Variants in PTPRG observed in about 807,000 individuals in gnomAD.
PTPRG encodes the protein receptor-type tyrosine-protein phosphatase gamma.
In PTPRG, 102 loss-of-function variants were observed where a neutral mutation model predicts 165.3. That is an observed-to-expected ratio of 0.62 (90% CI 0.53 to 0.73). The LOEUF (loss-of-function observed/expected upper bound fraction) is 0.73. Among genes scored for constraint, PTPRG ranks in the 30% least tolerant of loss-of-function variants. PTPRG has a pLI of 0.00. For synonymous variants in PTPRG, 675 were observed against 669.5 expected (o/e 1.01, Z -0.13); for missense variants, 1,866 against 1,861.4 (o/e 1.00, Z -0.05).
intron 3 of PTPRG, among the ~76,000 whole-genome samples, chr3:61,992,613 G>A (rs1052874554): frequency 1.3e-5 from 2 of 152,002 alleles, no homozygotes; most frequent in South Asian, 2.1e-4. Flanking sequence ...TCCGCCTCCC[G>A]GGTTGAAGCA....
In PTPRG at chr3:61,870,726, T is replaced by A. The variant is rs557026597; in HGVS notation, c.191-118899T>A. 2.0e-5 allele frequency among the ~76,000 whole-genome samples: 3 copies of A among 151,938 alleles called. No homozygotes were observed. In the South Asian group the frequency reaches 6.2e-4, roughly 32 times the overall value. On this transcript the variant is annotated intron_variant, in intron 2 of 29. Transcript: ENST00000474889. ...TTACCTCCCAGTTTTGAGCATCAAT[T>A]GGTAACAAAATCTGTGTAAGTGTTG...
At chr3:62,121,132 T>C (rs1369852035) in intron 5 of PTPRG, among the ~76,000 whole-genome samples, 1 of 151,644 alleles carries the variant, frequency 6.6e-6, no homozygotes, top group East Asian at 2.0e-4. Context: ...TTTTTGTATT[T>C]TTAGTAAAGA....
intron 1 of PTPRG, among the ~76,000 whole-genome samples, chr3:61,738,067 C>T (rs1264109855): frequency 1.3e-5 from 2 of 150,146 alleles, no homozygotes; most frequent in Non-Finnish European, 3.0e-5. Context: ...CGCTACCGCA[C>T]CCGGCTAATT....
intron 2 of PTPRG, among the ~76,000 whole-genome samples, chr3:61,980,583 C>T (rs1416103391): frequency 1.3e-5 from 2 of 152,124 alleles, no homozygotes; most frequent in African/African-American, 2.4e-5. Flanking sequence ...TTGACATTTT[C>T]GTCTTAGTGA....
At chr3:62,095,642 A>G (rs894800554) in intron 5 of PTPRG, among the ~76,000 whole-genome samples, 6 of 152,170 alleles carry the variant, frequency 3.9e-5, no homozygotes, top group Admixed American at 3.9e-4. Flanking sequence ...GGGGGAATAG[A>G]AGTTTATCAT....
chr3:61,698,992 G>A (rs372457999), intron 1 of PTPRG, among the ~76,000 whole-genome samples: 32 of 152,102 alleles, frequency 2.1e-4, no homozygotes, highest in African/African-American at 7.7e-4. Context: ...GACACAGGAA[G>A]GGGAACATCA....
At chr3:62,059,804 TAGTG>T (rs780543262) in intron 4 of PTPRG, among the ~76,000 whole-genome samples, 1 of 152,172 alleles carries the variant, frequency 6.6e-6, no homozygotes, top group African/African-American at 2.4e-5. Context: ...GTTCTCATGA[TAGTG>T]AGTGAGTTCT....
At chr3:61,614,435 T>TTTTTTTG (rs4019827) in intron 1 of PTPRG, among the ~76,000 whole-genome samples, 1 of 149,666 alleles carries the variant, frequency 6.7e-6, no homozygotes. Flanking sequence ...TTTTTTTTTT[T>TTTTTTTG]GAGACAGGAT....
intron 1 of PTPRG, among the ~76,000 whole-genome samples, chr3:61,686,726 C>T (rs779084268): frequency 3.3e-5 from 5 of 152,160 alleles, no homozygotes; most frequent in African/African-American, 4.8e-5. Flanking sequence ...ATCAGAGAAG[C>T]ATTGCCCTAT....
rs1325395413 is a variant in PTPRG at position 62,233,624 on chromosome 3, C to G, written c.2375+2313C>G. Among the ~76,000 whole-genome samples, 2 of 152,142 alleles carry G rather than the reference C, an allele frequency of 1.3e-5. No individual in the cohort carries two copies. The highest frequency in any genetic ancestry group is 4.8e-5 in the African/African-American group (2 of 41,436). The stretch of plus-strand genomic sequence containing the variant: ...CCCCCAGTGATAGCTAAATTGCAAC[C>G]CTCCAAACAGCTACAAGAGCTGTTA... On this transcript the variant is annotated intron_variant, in intron 14 of 29. Coordinates refer to ENST00000474889, the MANE Select transcript of PTPRG (RefSeq NM_002841.4). The surrounding 1 kb of genome is among the most constrained non-coding windows in gnomAD (Gnocchi z 4.7).
intron 2 of PTPRG, among the ~76,000 whole-genome samples, chr3:61,801,949 C>T (rs1045305657): frequency 1.1e-4 from 17 of 148,632 alleles, no homozygotes; most frequent in East Asian, 1.0e-3. Context: ...CACTTGAACC[C>T]GGGATGTGGA....
rs114198287 is a variant in PTPRG at position 61,690,229 on chromosome 3, A to T, written c.86-58649A>T. Among the ~76,000 whole-genome samples, 137 of 152,176 alleles carry T rather than the reference A, an allele frequency of 9.0e-4. 1 individual carries two copies. The highest frequency in any genetic ancestry group is 3.2e-3 in the African/African-American group (131 of 41,514). ...GCCTGGAATGCAGTTTGTCACTATC[A>T]CTTCTTGGAAATGCAGAGGCCTCCT... On this transcript the variant is annotated intron_variant, in intron 1 of 29. Coordinates refer to ENST00000474889, the MANE Select transcript of PTPRG (RefSeq NM_002841.4).
At chr3:61,574,424 G>T (rs57943064) in intron 1 of PTPRG, among the ~76,000 whole-genome samples, 1,997 of 152,268 alleles carry the variant, frequency 0.013, 44 homozygotes, top group African/African-American at 0.045. Context: ...CACATTGCTA[G>T]TCAATGCCTG....
At chr3:61,594,985 G>A (rs1195154055) in intron 1 of PTPRG, among the ~76,000 whole-genome samples, 1 of 151,980 alleles carries the variant, frequency 6.6e-6, no homozygotes, top group Non-Finnish European at 1.5e-5. Context: ...TGTCTGTTGC[G>A]GGAAAATGAA....
At chr3:61,603,133 T>C (rs530918735) in intron 1 of PTPRG, among the ~76,000 whole-genome samples, 104 of 152,362 alleles carry the variant, frequency 6.8e-4, no homozygotes, top group Non-Finnish European at 1.3e-3. Context: ...GCCACCCTGC[T>C]GGAACTGGAT....
At chr3:61,719,918 CTT>C (rs963562775) in intron 1 of PTPRG, among the ~76,000 whole-genome samples, 3 of 152,158 alleles carry the variant, frequency 2.0e-5, no homozygotes, top group African/African-American at 7.2e-5. Context: ...TTCTGTGAGT[CTT>C]TGCTCAAATG....
chr3:62,272,779 G>A (rs1264273822), intron 21 of PTPRG, among the ~76,000 whole-genome samples, 167 bp from the exon 22 acceptor site: 8 of 152,308 alleles, frequency 5.3e-5, no homozygotes, highest in Admixed American at 5.2e-4. Flanking sequence ...GGAGGTTGCA[G>A]TGAACCGAGA....
intron 2 of PTPRG, among the ~76,000 whole-genome samples, chr3:61,821,595 C>T (rs1360731585): frequency 7.9e-5 from 12 of 152,120 alleles, no homozygotes; most frequent in Admixed American, 7.9e-4. Context: ...AAGTAATGTG[C>T]TGTGACTTAT....
At chr3:61,752,128 C>T (rs1575634031) in intron 2 of PTPRG, among the ~76,000 whole-genome samples, 1 of 152,094 alleles carries the variant, frequency 6.6e-6, no homozygotes, top group African/African-American at 2.4e-5. Flanking sequence ...ACAAGTGTCG[C>T]GATTGACAGT....
Sources: gnomAD v4.1 joint callset for allele counts (sites outside exome capture counted in the v4.1 genomes callset) on GRCh38, gnomAD v4.1.1 for gene constraint, Gnocchi (gnomAD v3.1) non-coding constraint, MANE v1.5 for transcripts, NCBI Gene and HGNC (gene_info 2026-07-23, HGNC 2026-07-21) for gene names.